Variants in GRB10 observed in about 807,000 individuals in gnomAD.
GRB10 encodes the protein growth factor receptor-bound protein 10.
GRB10 carries 20 observed loss-of-function variants against 80.9 expected under a neutral mutation model. That is an observed-to-expected ratio of 0.25 (90% CI 0.17 to 0.36). GRB10 has a LOEUF of 0.36. Ranked by LOEUF, GRB10 falls within the 10% of genes least tolerant of loss-of-function variation. The pLI, the probability that GRB10 is intolerant of heterozygous loss-of-function variation, is 1.00. For missense variants in GRB10, 548 were observed against 747.7 expected, an observed-to-expected ratio of 0.73 and a Z score of 3.12; for synonymous variants, 291 against 291.5, an observed-to-expected ratio of 1.00 and a Z score of 0.02.
At chr7:50,785,819 A>T (rs1377463351), upstream of GRB10, among the ~76,000 whole-genome samples, 1 of 152,270 alleles carries the variant, frequency 6.6e-6, no homozygotes, top group African/African-American at 2.4e-5. Context: ...AATGGGAGAG[A>T]AGAAACGATA....
intron 8 of GRB10, among the ~76,000 whole-genome samples, chr7:50,622,733 C>T (rs1563189457): frequency 6.6e-6 from 1 of 152,102 alleles, no homozygotes; most frequent in African/African-American, 2.4e-5. Flanking sequence ...GTTCAGGGGG[C>T]ATCAAGATAC....
intron 1 of GRB10, among the ~76,000 whole-genome samples, chr7:50,788,894 A>T (rs977082064): frequency 6.6e-6 from 1 of 152,222 alleles, no homozygotes; most frequent in African/African-American, 2.4e-5. Flanking sequence ...ACAGGCCTGG[A>T]GACCAGAGAT....
upstream of GRB10, among the ~76,000 whole-genome samples, chr7:50,785,294 C>T (rs1384642333): frequency 1.3e-5 from 2 of 152,234 alleles, no homozygotes; most frequent in Non-Finnish European, 1.5e-5. Context: ...CCCCAGACAG[C>T]TAAGCGAAGC....
chr7:50,772,620 G>A (rs1470223439), intron 2 of GRB10, among the ~76,000 whole-genome samples: 3 of 152,156 alleles, frequency 2.0e-5, no homozygotes, highest in African/African-American at 7.2e-5. Flanking sequence ...ATCCAAATTG[G>A]AAAGGAAGAA....
At chr7:50,696,709 G>A (rs2063469988) in intron 5 of GRB10, among the ~76,000 whole-genome samples, 1 of 152,174 alleles carries the variant, frequency 6.6e-6, no homozygotes, top group South Asian at 2.1e-4. Flanking sequence ...GCCTAAAACT[G>A]AGAGGCCAAA....
chr7:50,600,930 T>A (rs950158286), intron 17 of GRB10, among the ~76,000 whole-genome samples: 1 of 152,172 alleles, frequency 6.6e-6, no homozygotes. Flanking sequence ...CATGGCAAAA[T>A]TATGAAACAA....
chr7:50,657,529 G>C (rs116452621), intron 7 of GRB10, among the ~76,000 whole-genome samples: 11 of 152,198 alleles, frequency 7.2e-5, no homozygotes, highest in African/African-American at 2.6e-4. Context: ...AATCTTTTCG[G>C]GGATTTCCTC....
intron 4 of GRB10, among the ~76,000 whole-genome samples, chr7:50,731,507 G>T (rs1306781870): frequency 6.6e-6 from 1 of 152,166 alleles, no homozygotes; most frequent in Admixed American, 6.5e-5. Flanking sequence ...TCACAGGCCT[G>T]GGAGAGATGG....
At chr7:50,595,661 T>C in intron 17 of GRB10, 131 bp from the exon 18 acceptor site, 1 of 686,264 alleles carries the variant, frequency 1.5e-6, no homozygotes, top group Non-Finnish European at 2.6e-6. Context: ...AATGCTTCAG[T>C]GCAGTGCTTT....
At chr7:50,599,156 A>G (rs2047164598) in intron 17 of GRB10, among the ~76,000 whole-genome samples, 1 of 151,976 alleles carries the variant, frequency 6.6e-6, no homozygotes, top group East Asian at 1.9e-4. Flanking sequence ...ATGTGCGCGC[A>G]CACGCTCAGC....
intron 4 of GRB10, among the ~76,000 whole-genome samples, chr7:50,714,641 C>G (rs918336152): frequency 6.7e-5 from 10 of 149,012 alleles, no homozygotes; most frequent in African/African-American, 2.5e-4. Flanking sequence ...CCAGCCTGGG[C>G]TACATAGCGA....
intron 3 of GRB10, among the ~76,000 whole-genome samples, chr7:50,742,897 G>C (rs2072154590): frequency 6.6e-6 from 1 of 152,036 alleles, no homozygotes; most frequent in Non-Finnish European, 1.5e-5. Flanking sequence ...ACTTCCTGGG[G>C]GCTGGGAAGG....
intron 3 of GRB10, among the ~76,000 whole-genome samples, chr7:50,747,048 G>A (rs1022005325): frequency 2.0e-5 from 3 of 152,084 alleles, no homozygotes; most frequent in Non-Finnish European, 2.9e-5. Context: ...TTCGAAACCC[G>A]CTGCCTCCTA....
intron 12 of GRB10, among the ~76,000 whole-genome samples, chr7:50,614,478 T>A (rs2050169319): frequency 6.6e-6 from 1 of 152,160 alleles, no homozygotes; most frequent in African/African-American, 2.4e-5. Flanking sequence ...CTACTAGTAC[T>A]GGGCTACAGC....
At chr7:50,704,194 C>T (rs1402971192) in intron 4 of GRB10, among the ~76,000 whole-genome samples, 1 of 51,322 alleles carries the variant, frequency 1.9e-5, no homozygotes. Context: ...TTGCCAACTG[C>T]TCCAATTTAG....
Position 50,776,287 on chromosome 7 carries a change from C to T in GRB10, c.-217+4340G>A, listed in dbSNP as rs557905382. ...AGAGCGCAGCAGCAGAATCATGGCT[C>T]ACTGTAGCCTTGACCTCCCAGACTC... On this transcript the variant is annotated intron_variant, in intron 2 of 18. Transcript: ENST00000401949. 3.7e-4 allele frequency among the ~76,000 whole-genome samples: 56 copies of T among 152,324 alleles called. 1 individual carries two copies. In the South Asian group the frequency reaches 0.011, roughly 31 times the overall value.
intron 5 of GRB10, among the ~76,000 whole-genome samples, chr7:50,686,105 T>G (rs907760920): frequency 6.6e-6 from 1 of 152,150 alleles, no homozygotes; most frequent in Non-Finnish European, 1.5e-5. Flanking sequence ...ATATCTGTGT[T>G]CTCCCAAAAT....
Position 50,724,156 on chromosome 7 carries a change from G to C in GRB10, c.51+8116C>G, listed in dbSNP as rs143237610. Among the ~76,000 whole-genome samples the C allele has an allele frequency of 6.6e-5, 10 of 152,262 alleles. No homozygotes were observed. In the East Asian group the frequency reaches 1.9e-3, roughly 29 times the overall value. ...ACCAAGGCCACAATGGGTCATAAACGCAAAGCTTCAACTTTGCAAACTGGA... is the reference window on the plus strand; with the variant it reads ...ACCAAGGCCACAATGGGTCATAAACCCAAAGCTTCAACTTTGCAAACTGGA... On this transcript the variant is annotated intron_variant, in intron 4 of 18. Coordinates refer to ENST00000401949, the MANE Select transcript of GRB10 (RefSeq NM_001350814.2).
chr7:50,730,081 G>A (rs2069397781), intron 4 of GRB10, among the ~76,000 whole-genome samples: 1 of 152,088 alleles, frequency 6.6e-6, no homozygotes, highest in Non-Finnish European at 1.5e-5. Context: ...TGGAAACTGC[G>A]GTAGGGAAAG....
Sources: gnomAD v4.1 joint callset for allele counts (sites outside exome capture counted in the v4.1 genomes callset) on GRCh38, gnomAD v4.1.1 for gene constraint, MANE v1.5 for transcripts, NCBI Gene and HGNC (gene_info 2026-07-23, HGNC 2026-07-21) for gene names.